Variants in SPATA16 observed in about 807,000 individuals in gnomAD.
SPATA16 encodes spermatogenesis-associated protein 16.
A neutral mutation model predicts 63.3 loss-of-function variants in SPATA16; 36 were observed. That is an observed-to-expected ratio of 0.57 (90% confidence interval 0.44 to 0.75). The LOEUF is 0.75. Among genes scored for constraint, SPATA16 ranks in the 30% least tolerant of loss-of-function variants. The pLI, the probability that SPATA16 is intolerant of heterozygous loss-of-function variation, is 0.00. For missense variants in SPATA16, 646 were observed against 679.3 expected (o/e 0.95, Z 0.54); for synonymous variants, 203 against 216.7 (o/e 0.94, Z 0.56).
chr3:172,923,328 C>T (rs751037383), intron 8 of SPATA16, among the ~76,000 whole-genome samples: 11 of 152,278 alleles, frequency 7.2e-5, no homozygotes, highest in East Asian at 1.9e-4. Flanking sequence ...AATCGCAAAT[C>T]GTGCAAACAG....
chr3:172,896,372 C>T (rs1257835351), intron 10 of SPATA16, among the ~76,000 whole-genome samples: 1 of 152,120 alleles, frequency 6.6e-6, no homozygotes, highest in Non-Finnish European at 1.5e-5. Flanking sequence ...AGGTGCCCGC[C>T]ACCACGCCTG....
chr3:173,088,061 TC>T, intron 2 of SPATA16, among the ~76,000 whole-genome samples: 3 of 143,852 alleles, frequency 2.1e-5, no homozygotes, highest in African/African-American at 5.2e-5. Flanking sequence ...TTTCTTTCTT[TC>T]TTTCTTTCTT....
intron 3 of SPATA16, among the ~76,000 whole-genome samples, chr3:173,027,673 T>G (rs528721407): frequency 6.6e-6 from 1 of 151,868 alleles, no homozygotes. Context: ...TGTTTTCTGC[T>G]TCTTGTCTAG....
intron 2 of SPATA16, among the ~76,000 whole-genome samples, chr3:173,060,064 C>T (rs1389483345): frequency 1.3e-5 from 2 of 151,830 alleles, no homozygotes; most frequent in African/African-American, 2.4e-5. Context: ...TGAGACCAGC[C>T]TGGCCAACAT....
At chr3:173,070,012 A>G (rs1736628622) in intron 2 of SPATA16, among the ~76,000 whole-genome samples, 1 of 152,034 alleles carries the variant, frequency 6.6e-6, no homozygotes, top group African/African-American at 2.4e-5. Flanking sequence ...AAAGCCATTT[A>G]TATAATATCC....
intron 5 of SPATA16, among the ~76,000 whole-genome samples, chr3:172,975,169 CAA>C (rs977025422): frequency 3.3e-5 from 5 of 152,002 alleles, no homozygotes; most frequent in African/African-American, 1.2e-4. Context: ...GCTGACATAA[CAA>C]GATTGGAAGG....
At chr3:172,963,532 A>G (rs1376444311) in intron 5 of SPATA16, among the ~76,000 whole-genome samples, 1 of 152,028 alleles carries the variant, frequency 6.6e-6, no homozygotes, top group Non-Finnish European at 1.5e-5. Context: ...ATATGTATAT[A>G]CACATGCATG....
intron 2 of SPATA16, among the ~76,000 whole-genome samples, chr3:173,111,391 C>G (rs1737746773): frequency 6.6e-6 from 1 of 152,142 alleles, no homozygotes; most frequent in Non-Finnish European, 1.5e-5. Flanking sequence ...GCCTGGGTGA[C>G]AGAGCCAGAC....
intron 4 of SPATA16, among the ~76,000 whole-genome samples, chr3:172,978,581 G>A (rs1734221967): frequency 6.6e-6 from 1 of 152,152 alleles, no homozygotes; most frequent in Non-Finnish European, 1.5e-5. Flanking sequence ...TAGGAGTTGG[G>A]TACACTTAGG....
At chr3:172,913,575 T>A in intron 10 of SPATA16, 86 bp downstream of exon 10, 1 of 1,341,048 alleles carries the variant, frequency 7.5e-7, no homozygotes. Flanking sequence ...AACTTGGGTT[T>A]CTTTTTATCC....
intron 3 of SPATA16, among the ~76,000 whole-genome samples, chr3:173,034,956 C>T (rs1342230031): frequency 6.6e-6 from 1 of 152,156 alleles, no homozygotes; most frequent in African/African-American, 2.4e-5. Flanking sequence ...TTTTGACATT[C>T]TGTCTTCTTT....
intron 6 of SPATA16, among the ~76,000 whole-genome samples, chr3:172,943,404 A>G (rs1733205205): frequency 6.6e-6 from 1 of 152,206 alleles, no homozygotes; most frequent in Non-Finnish European, 1.5e-5. Flanking sequence ...CCCAGCCATA[A>G]CAGTAGTAGA....
intron 2 of SPATA16, among the ~76,000 whole-genome samples, chr3:173,067,475 A>G (rs1272841722): frequency 6.6e-6 from 1 of 152,202 alleles, no homozygotes; most frequent in Non-Finnish European, 1.5e-5. Context: ...AAGGATTGAA[A>G]AACTACCTGT....
chr3:173,074,673 G>A (rs531665302), intron 2 of SPATA16, among the ~76,000 whole-genome samples: 6 of 151,958 alleles, frequency 3.9e-5, no homozygotes, highest in South Asian at 4.2e-4. Flanking sequence ...GTGTGAAAAC[G>A]GACTAATACA....
At chr3:172,946,200 C>T (rs1203841966) in intron 6 of SPATA16, among the ~76,000 whole-genome samples, 1 of 152,186 alleles carries the variant, frequency 6.6e-6, no homozygotes, top group African/African-American at 2.4e-5. Flanking sequence ...GAATAAACAT[C>T]AGAAGTACCC....
chr3:173,055,605 A>C (rs1404203667), intron 2 of SPATA16, among the ~76,000 whole-genome samples: 1 of 152,234 alleles, frequency 6.6e-6, no homozygotes, highest in African/African-American at 2.4e-5. Flanking sequence ...TAGGGACTGC[A>C]TAGGTGTTGT....
chr3:173,121,833 C>A (rs1162275721), intron 1 of SPATA16, among the ~76,000 whole-genome samples: 1 of 151,974 alleles, frequency 6.6e-6, no homozygotes, highest in Non-Finnish European at 1.5e-5. Flanking sequence ...TAAATTTGGT[C>A]TTGGGTGAAG....
At chr3:172,957,252 G>A (rs569313093) in intron 5 of SPATA16, among the ~76,000 whole-genome samples, 1 of 152,086 alleles carries the variant, frequency 6.6e-6, no homozygotes, top group East Asian at 1.9e-4. Context: ...AAATAACACG[G>A]CAAACTAGAC....
At chr3:173,134,081 A>G (rs1298076983) in intron 1 of SPATA16, among the ~76,000 whole-genome samples, 1 of 152,234 alleles carries the variant, frequency 6.6e-6, no homozygotes, top group Non-Finnish European at 1.5e-5. Context: ...CTATAAATAA[A>G]GCTATAGTAA....
Sources: gnomAD v4.1 joint callset for allele counts (sites outside exome capture counted in the v4.1 genomes callset) on GRCh38, gnomAD v4.1.1 for gene constraint, MANE v1.5 for transcripts, NCBI Gene and HGNC (gene_info 2026-07-23, HGNC 2026-07-21) for gene names.